Variants in CACNA1C observed in about 807,000 individuals in gnomAD.
CACNA1C encodes voltage-dependent L-type calcium channel subunit alpha-1C.
CACNA1C carries 30 observed loss-of-function variants against 229.0 expected under a neutral mutation model. The ratio of observed to expected loss-of-function variants is 0.13; its 90% confidence interval spans 0.10 to 0.18. CACNA1C has a LOEUF of 0.18. Among genes scored for constraint, CACNA1C ranks in the 10% least tolerant of loss-of-function variants. CACNA1C has a pLI of 1.00. For synonymous variants in CACNA1C, 1,114 were observed against 1,132.5 expected (o/e 0.98, Z 0.33); for missense variants, 1,658 against 2,845.0 (o/e 0.58, Z 9.49).
In CACNA1C at chr12:2,479,688, T is replaced by A. The variant is rs1268123198; in HGVS notation, c.758-6416T>A. ...CTCCATGTCCTGACTCCTGCCCCAG[T>A]CTTGAAAGTGGGCTGTCGCCTTAAT... On this transcript the variant is annotated intron_variant, in intron 5 of 46. Transcript: ENST00000399655. This position sits in a 1 kb window ranked among gnomAD's most constrained non-coding sequence, Gnocchi z 4.3. 2.0e-5 allele frequency among the ~76,000 whole-genome samples: 3 copies of A among 152,168 alleles called. No individual in the cohort carries two copies. Among genetic ancestry groups the A allele is most frequent in the Non-Finnish European group, 4.4e-5 (3 of 68,020 alleles).
Position 2,608,410 on chromosome 12 carries a change from T to C in CACNA1C, c.3357-101T>C. Reference sequence around the variant, plus strand: ...GGGACTCCAGCCCAGAGCTGTCTCCTGCACCCTGATCCCTGGGATCCCTGG... The same window carrying C: ...GGGACTCCAGCCCAGAGCTGTCTCCCGCACCCTGATCCCTGGGATCCCTGG... On this transcript the variant is annotated intron_variant, in intron 26 of 46. Coordinates refer to ENST00000399655, the MANE Select transcript of CACNA1C (RefSeq NM_000719.7). The surrounding 1 kb of genome is among the most constrained non-coding windows in gnomAD (Gnocchi z 4.2). The C allele has an allele frequency of 1.1e-6, 1 of 876,308 alleles. No homozygotes were observed. Among genetic ancestry groups the C allele is most frequent in the African/African-American group, 1.7e-5 (1 of 59,564 alleles). 54.3% of individuals were successfully genotyped at this position (876,308 alleles called of 1,614,324 possible). A position where few individuals can be genotyped will look rare whatever the true frequency, so the allele number is the denominator to read the frequency against.
At chr12:2,394,800 A>C (rs187224619) in intron 3 of CACNA1C, among the ~76,000 whole-genome samples, 2 of 152,258 alleles carry the variant, frequency 1.3e-5, no homozygotes, top group Admixed American at 1.3e-4. Flanking sequence ...AAGTAGTACC[A>C]ACCCAGTGAG....
In CACNA1C at chr12:2,416,424, A is replaced by G. The variant is rs112828598; in HGVS notation, c.478-32552A>G. On this transcript the variant is annotated intron_variant, in intron 3 of 46. Coordinates refer to ENST00000399655, the MANE Select transcript of CACNA1C (RefSeq NM_000719.7). ...AGAGGGGAAGGGAGGAAGAAAAAAG[A>G]GAAGGAAGGAAGGAGTGGGGGACGA... Among the ~76,000 whole-genome samples, 4 of 152,242 alleles carry G rather than the reference A, an allele frequency of 2.6e-5. 1 individual carries two copies. Among genetic ancestry groups the G allele is most frequent in the African/African-American group, 9.6e-5 (4 of 41,542 alleles).
At chr12:2,107,568 G>C (rs1289907541) in intron 1 of CACNA1C, among the ~76,000 whole-genome samples, 1 of 152,280 alleles carries the variant, frequency 6.6e-6, no homozygotes, top group African/African-American at 2.4e-5. Context: ...GATTTCTCTC[G>C]CTTAGGCTGG....
In CACNA1C at chr12:2,115,558, C is replaced by T. The variant is rs2083456541; in HGVS notation, c.371+13C>T. 2.5e-6 allele frequency: 4 copies of T among 1,612,250 alleles called. No individual in the cohort carries two copies. The highest frequency in any genetic ancestry group is 3.4e-6 in the Non-Finnish European group (4 of 1,179,416). ...TTGTCGAATGGAAATATCCTTTGTT[C>T]ACCGGGCTGGGCATGCTCCTGGGAC... On this transcript the variant is annotated intron_variant, in intron 2 of 46. Coordinates refer to ENST00000399655, the MANE Select transcript of CACNA1C (RefSeq NM_000719.7).
chr12:2,450,574 A>AAAAAAAG, intron 4 of CACNA1C, among the ~76,000 whole-genome samples: 1 of 150,250 alleles, frequency 6.7e-6, no homozygotes, highest in Non-Finnish European at 1.5e-5. Context: ...AAAAAAAAAA[A>AAAAAAAG]AAAACGCAGG....
chr12:2,646,766 GAA>G lies in CACNA1C; in HGVS notation c.3913-1707_3913-1706del, dbSNP rs531236075. On this transcript the variant is annotated intron_variant, in intron 30 of 46. Transcript: ENST00000399655. The surrounding 1 kb of genome is among the most constrained non-coding windows in gnomAD (Gnocchi z 4.6). ...CATGCCTGTATGAGAGAGAGAGAGA[GAA>G]AGAGAGAGAGAGAGAGAGAGAGTGT... 5.0e-3 allele frequency among the ~76,000 whole-genome samples: 212 copies of G among 42,192 alleles called. 1 individual carries two copies. The highest frequency in any genetic ancestry group is 0.048 in the East Asian group (54 of 1,116). The allele number at this position is 42,192 out of a possible 152,430, so 27.7% of individuals were successfully genotyped here. A position where few individuals can be genotyped will look rare whatever the true frequency, so the allele number is the denominator to read the frequency against.
intron 3 of CACNA1C, among the ~76,000 whole-genome samples, chr12:2,372,334 C>T (rs1306947001): frequency 6.6e-6 from 1 of 152,214 alleles, no homozygotes. Context: ...CTGCTCTCTT[C>T]CTGAGCTCAC....
At chr12:2,111,993 G>A (rs768319992) in intron 1 of CACNA1C, among the ~76,000 whole-genome samples, 5 of 152,174 alleles carry the variant, frequency 3.3e-5, no homozygotes, top group Non-Finnish European at 7.3e-5. Flanking sequence ...GCCTGGAGAA[G>A]CCCAGGAGGA....
rs1229330084 is a variant in CACNA1C, at chr12:2,120,950, C to T, written c.477+520C>T. 4.6e-5 allele frequency among the ~76,000 whole-genome samples: 7 copies of T among 152,108 alleles called. No individual in the cohort carries two copies. The East Asian group carries it at 9.7e-4, about 21-fold the overall frequency. On this transcript the variant is annotated intron_variant, in intron 3 of 46. Coordinates refer to ENST00000399655, the MANE Select transcript of CACNA1C (RefSeq NM_000719.7). ...AAGGGCCTTATTTTATTGGGAAAGG[C>T]GGCTTTCCATTTGGATTGTTGAGGG...
intron 3 of CACNA1C, among the ~76,000 whole-genome samples, chr12:2,183,981 T>C (rs1019679439): frequency 3.3e-5 from 5 of 152,202 alleles, no homozygotes; most frequent in African/African-American, 1.2e-4. Context: ...ATCTGGTATG[T>C]GCAGGAGAGG....
chr12:2,241,729 T>C (rs1375712946), intron 3 of CACNA1C, among the ~76,000 whole-genome samples: 2 of 152,194 alleles, frequency 1.3e-5, no homozygotes, highest in Non-Finnish European at 2.9e-5. Context: ...CCTTAATCAT[T>C]CATGGGGGAA....
intron 9 of CACNA1C, among the ~76,000 whole-genome samples, chr12:2,536,201 G>A (rs149455733): frequency 6.6e-6 from 1 of 152,272 alleles, no homozygotes; most frequent in Non-Finnish European, 1.5e-5. Context: ...AGTGAAGCAG[G>A]AAAGACGGGG....
intron 9 of CACNA1C, chr12:2,547,590 TG>T: frequency 1.3e-6 from 1 of 764,946 alleles, no homozygotes; most frequent in Non-Finnish European, 2.4e-6. Context: ...AATGGGAAGG[TG>T]TCTCTCTTGA....
At chr12:2,322,292 C>T (rs961077580) in intron 3 of CACNA1C, among the ~76,000 whole-genome samples, 21 of 152,186 alleles carry the variant, frequency 1.4e-4, no homozygotes, top group Admixed American at 7.9e-4. Flanking sequence ...CATCTATTTT[C>T]AATGAATGTA....
chr12:2,688,506 C>T lies in CACNA1C; in HGVS notation c.5844C>T (p.Phe1948=), dbSNP rs371649455. 1.7e-5 allele frequency: 28 copies of T among 1,613,808 alleles called. No individual in the cohort carries two copies. Among genetic ancestry groups the T allele is most frequent in the Non-Finnish European group, 2.2e-5 (26 of 1,179,878 alleles). Residue 1948 remains phenylalanine, a synonymous_variant, in exon 46 of 47, where the codon TTC becomes TTT. Coordinates refer to ENST00000399655, the MANE Select transcript of CACNA1C (RefSeq NM_000719.7). ...AGAGAAGCCATTCCCCTGCCTCATT[C>T]CCTAGGCCTTTTGCCACCCCACCAG... ...LLQRSHSPAS[F]PRPFATPPAT... is the part of the protein sequence containing the mutation.
At chr12:2,040,404 G>A (rs1164022982) in intron 1 of CACNA1C, among the ~76,000 whole-genome samples, 4 of 152,098 alleles carry the variant, frequency 2.6e-5, no homozygotes, top group Non-Finnish European at 5.9e-5. Flanking sequence ...TACTTTCAGA[G>A]TTTTAAGGGA....
At chr12:2,444,966 C>T (rs770664160) in intron 3 of CACNA1C, among the ~76,000 whole-genome samples, 2 of 152,192 alleles carry the variant, frequency 1.3e-5, no homozygotes, top group Non-Finnish European at 1.5e-5. Flanking sequence ...CCATTCTCCT[C>T]AGAATGGAAT....
intron 3 of CACNA1C, among the ~76,000 whole-genome samples, chr12:2,418,271 G>A (rs1595754734): frequency 6.6e-6 from 1 of 152,152 alleles, no homozygotes; most frequent in African/African-American, 2.4e-5. Flanking sequence ...TTTGCCTTTG[G>A]ATGGGGTCTT....
Sources: allele counts gnomAD v4.1 joint callset (sites outside exome capture counted in the v4.1 genomes callset), GRCh38; gene constraint gnomAD v4.1.1; non-coding constraint Gnocchi (gnomAD v3.1); transcripts MANE v1.5; gene names NCBI Gene and HGNC (gene_info 2026-07-23, HGNC 2026-07-21).